MTMR3: variants seen among roughly 807,000 people sequenced by gnomAD.
The protein encoded by MTMR3 is phosphatidylinositol-3,5-bisphosphate 3-phosphatase MTMR3.
MTMR3 carries 32 observed loss-of-function variants against 132.4 expected under a neutral mutation model. The ratio of observed to expected loss-of-function variants is 0.24; its 90% CI spans 0.18 to 0.32. The LOEUF is 0.32. Among genes scored for constraint, MTMR3 ranks in the 10% least tolerant of loss-of-function variants. The pLI is 1.00. For synonymous variants in MTMR3, 556 were observed against 550.3 expected (o/e 1.01, Z -0.14); for missense variants, 1,216 against 1,489.6 (o/e 0.82, Z 3.02).
chr22:29,979,163 T>G, intron 5 of MTMR3, 111 bp downstream of exon 5: 1 of 754,784 alleles, frequency 1.3e-6, no homozygotes, highest in Non-Finnish European at 2.3e-6. Flanking sequence ...GAAAGCATTA[T>G]GTGCTCTGCT....
intron 1 of MTMR3, among the ~76,000 whole-genome samples, chr22:29,939,132 C>T (rs952968655): frequency 6.6e-6 from 1 of 152,048 alleles, no homozygotes; most frequent in Admixed American, 6.6e-5. Flanking sequence ...GAAAACTATA[C>T]GTTTTCTAAT....
chr22:29,938,415 G>A (rs1767486796), intron 1 of MTMR3, among the ~76,000 whole-genome samples: 1 of 152,208 alleles, frequency 6.6e-6, no homozygotes, highest in Admixed American at 6.5e-5. Flanking sequence ...TTGTGATAGT[G>A]TCAAGAGCCT....
At chr22:29,887,599 A>G (rs1199258050) in intron 1 of MTMR3, among the ~76,000 whole-genome samples, 2 of 152,212 alleles carry the variant, frequency 1.3e-5, no homozygotes, top group Admixed American at 1.3e-4. Flanking sequence ...CGGAATAGTC[A>G]CAATGTTGCA....
At chr22:30,017,534 T>C in intron 15 of MTMR3, 1 of 174,390 alleles carries the variant, frequency 5.7e-6, no homozygotes, top group Non-Finnish European at 1.2e-5. Context: ...ACAGTGTTTC[T>C]TGAAGCCAAG....
rs1475044936 is a variant in MTMR3, at chr22:30,007,196, C to T, written c.754C>T (p.His252Tyr). 1.9e-6 allele frequency: 3 copies of T among 1,614,060 alleles called. No individual in the cohort carries two copies. The highest frequency in any genetic ancestry group is 4.5e-5 in the East Asian group (2 of 44,890). ...WWGWRNADDE[H>Y]LVQSVAKACA... ...GGGCTGGCGAAATGCAGATGATGAG[C>T]ATCTGGTACAGTCAGTAGCCAAAGC... The change falls in exon 10 of 20, where the codon CAT becomes TAT. Residue 252 changes from histidine (H) to tyrosine (Y), a missense_variant. Coordinates refer to ENST00000401950, the MANE Select transcript of MTMR3 (RefSeq NM_021090.4).
At chr22:29,928,312 C>T (rs906901006) in intron 1 of MTMR3, among the ~76,000 whole-genome samples, 3 of 151,822 alleles carry the variant, frequency 2.0e-5, no homozygotes, top group African/African-American at 7.3e-5. Flanking sequence ...GCTGGGGTTG[C>T]AGGCGCCTGC....
At chr22:29,957,569 C>T (rs923052053) in intron 2 of MTMR3, among the ~76,000 whole-genome samples, 4 of 152,070 alleles carry the variant, frequency 2.6e-5, no homozygotes, top group African/African-American at 9.6e-5. Flanking sequence ...CTCCTGCCTC[C>T]GCCTCCCAGT....
intron 2 of MTMR3, among the ~76,000 whole-genome samples, chr22:29,964,613 A>C (rs5763648): frequency 0.059 from 9,023 of 152,196 alleles, 502 homozygotes; most frequent in South Asian, 0.24. Flanking sequence ...CCTCTACCTA[A>C]ACCTGTGAGT....
intron 1 of MTMR3, among the ~76,000 whole-genome samples, chr22:29,888,178 C>T (rs962295030): frequency 9.2e-5 from 14 of 151,822 alleles, no homozygotes; most frequent in Admixed American, 2.6e-4. Flanking sequence ...ACTTGGTTGC[C>T]GTGTAAAATG....
At chr22:29,960,104 A>G (rs2066281029) in intron 2 of MTMR3, among the ~76,000 whole-genome samples, 2 of 152,084 alleles carry the variant, frequency 1.3e-5, no homozygotes, top group African/African-American at 4.8e-5. Flanking sequence ...AGGTTTGAAG[A>G]GAAAGATGTA....
chr22:29,906,278 GTCTGTCTGTCTATCTATCTA>G (rs1258838813), intron 1 of MTMR3, among the ~76,000 whole-genome samples: 111 of 68,340 alleles, frequency 1.6e-3, no homozygotes, highest in East Asian at 7.1e-3. Context: ...CTGTCTGTCT[GTCTGTCTGTCTATCTATCTA>G]TCTATCTATC....
chr22:30,019,751 A>G lies in MTMR3; in HGVS notation c.2092A>G (p.Lys698Glu), dbSNP rs750669098. 1 of 1,614,062 alleles carries G rather than the reference A, an allele frequency of 6.2e-7. No individual in the cohort carries two copies. The highest frequency in any genetic ancestry group is 1.3e-5 in the African/African-American group (1 of 74,958). ...GGAGAACATCTTGCAGGAGGCCACC[A>G]AAGAGGAGAGTGGAGTAGAGGAACC... ...QMENILQEATKEESGVEEPAH... is the reference protein window; with the variant it reads ...QMENILQEATEEESGVEEPAH... The change falls in exon 17 of 20, where the codon AAA becomes GAA. Residue 698 changes from lysine to glutamate, a missense_variant. Physicochemically the swap from Lys to Glu is moderately conservative, Grantham distance 56 (BLOSUM62 1). Coordinates refer to ENST00000401950, the MANE Select transcript of MTMR3 (RefSeq NM_021090.4).
chr22:29,988,600 G>C lies in MTMR3; in HGVS notation c.293+38G>C, dbSNP rs530869521. On this transcript the variant is annotated intron_variant, in intron 6 of 19. Transcript: ENST00000401950. ...GTATGTTTGTGTTGCTGTTTAGTGT[G>C]GAAAATATTTTTTAAAGAATGGGTC... The C allele has an allele frequency of 2.0e-6, 3 of 1,482,638 alleles. No homozygotes were observed. The South Asian group carries it at 3.7e-5, about 18-fold the overall frequency. The allele number at this position is 1,482,638 out of a possible 1,614,324, so 91.8% of individuals were successfully genotyped here. A position where few individuals can be genotyped will look rare whatever the true frequency, so the allele number is the denominator to read the frequency against.
chr22:29,916,941 CT>C (rs2065320769), intron 1 of MTMR3, among the ~76,000 whole-genome samples: 1 of 152,300 alleles, frequency 6.6e-6, no homozygotes, highest in Non-Finnish European at 1.5e-5. Context: ...TCACTGCCCC[CT>C]GTAACTGCAG....
chr22:29,896,241 T>C (rs1286928042), intron 1 of MTMR3, among the ~76,000 whole-genome samples: 5 of 152,052 alleles, frequency 3.3e-5, no homozygotes, highest in African/African-American at 4.8e-5. Flanking sequence ...ACACAGGAAG[T>C]AGAGGTTGCA....
intron 3 of MTMR3, chr22:29,978,227 G>A: frequency 2.5e-6 from 1 of 396,784 alleles, no homozygotes; most frequent in Non-Finnish European, 4.8e-6. Flanking sequence ...TAACCTCTTT[G>A]ACATTTTTTT....
intron 1 of MTMR3, among the ~76,000 whole-genome samples, chr22:29,890,451 G>C (rs2064774196): frequency 6.6e-6 from 1 of 152,070 alleles, no homozygotes; most frequent in Non-Finnish European, 1.5e-5. Flanking sequence ...CCAGGAGGCA[G>C]AGGTTGCAGT....
At chr22:29,987,546 G>A (rs1601381558) in intron 5 of MTMR3, 1 of 152,172 alleles carries the variant, frequency 6.6e-6, no homozygotes, top group African/African-American at 2.4e-5. Context: ...ATTTTACCAG[G>A]TTTGCCTTGA....
At chr22:30,017,528 T>G in intron 15 of MTMR3, 1 of 172,072 alleles carries the variant, frequency 5.8e-6, no homozygotes, top group Non-Finnish European at 1.2e-5. Flanking sequence ...GGTTTGACAG[T>G]GTTTCTTGAA....
Sources: allele counts gnomAD v4.1 joint callset (sites outside exome capture counted in the v4.1 genomes callset), GRCh38; gene constraint gnomAD v4.1.1; transcripts MANE v1.5; gene names NCBI Gene and HGNC (gene_info 2026-07-23, HGNC 2026-07-21).